The following ZNF385C variants were observed in gnomAD, a reference collection of about 807,000 sequenced individuals.
ZNF385C encodes the protein CTD-2132N18.2.
A neutral mutation model predicts 35.4 loss-of-function variants in ZNF385C; 28 were observed. The ratio of observed to expected loss-of-function variants is 0.79; its 90% confidence interval spans 0.59 to 1.08. The LOEUF is 1.08. ZNF385C is among the 50% of genes least tolerant of loss of function. The pLI is 0.00. For missense variants in ZNF385C, 605 were observed against 595.6 expected (o/e 1.02, Z -0.16); for synonymous variants, 248 against 248.2 (o/e 1.00, Z 0.01).
At chr17:42,033,578 C>G (rs1354296514) in intron 4 of ZNF385C, among the ~76,000 whole-genome samples, 1 of 152,138 alleles carries the variant, frequency 6.6e-6, no homozygotes, top group Non-Finnish European at 1.5e-5. Context: ...TGGTGAAACC[C>G]TGTATCTGCC....
Position 42,027,824 on chromosome 17 carries a change from C to T in ZNF385C, c.1165-96G>A, listed in dbSNP as rs375508779. The T allele has an allele frequency of 2.1e-4, 283 of 1,362,846 alleles. No individual in the cohort carries two copies. The African/African-American group carries it at 2.7e-3, about 13-fold the overall frequency. 84.4% of individuals were successfully genotyped at this position (1,362,846 alleles called of 1,614,324 possible). ...TCTTCCCCTTCCTCTATCCACAGCT[C>T]ATACATCCAAAGCACACAGACTGGG... On this transcript the variant is annotated intron_variant, in intron 7 of 8. Transcript: ENST00000692273.
intron 1 of ZNF385C, among the ~76,000 whole-genome samples, chr17:42,071,763 G>A (rs1196924984): frequency 1.4e-5 from 2 of 144,302 alleles, no homozygotes; most frequent in Non-Finnish European, 1.5e-5. Flanking sequence ...GGCACAGCCC[G>A]GGTTTATCTC....
intron 2 of ZNF385C, chr17:42,040,802 C>G: frequency 8.1e-7 from 1 of 1,232,290 alleles, no homozygotes; most frequent in Non-Finnish European, 1.0e-6. Flanking sequence ...TCATATTGAC[C>G]CAAGTAGGCC....
At chr17:42,047,029 ATTTTT>A (rs60694132) in intron 2 of ZNF385C, among the ~76,000 whole-genome samples, 16 of 116,564 alleles carry the variant, frequency 1.4e-4, no homozygotes, top group South Asian at 2.8e-4. Flanking sequence ...TGCCCGGCTA[ATTTTT>A]TTTTTTTTTT....
intron 1 of ZNF385C, among the ~76,000 whole-genome samples, chr17:42,086,729 A>G (rs1325937618): frequency 6.6e-6 from 1 of 151,672 alleles, no homozygotes; most frequent in Non-Finnish European, 1.5e-5. Context: ...AATCCAATAA[A>G]TATAAATACA....
chr17:42,039,924 CAAGGCGGCTAGGGCGGCG>C, intron 2 of ZNF385C: 2 of 1,231,286 alleles, frequency 1.6e-6, no homozygotes, highest in South Asian at 8.2e-5. Flanking sequence ...GCGCCAAAGC[CAAGGCGGCTAGGGCGGCG>C]AAGTCGGGGA....
chr17:42,041,006 G>GT, intron 2 of ZNF385C: 1 of 1,232,300 alleles, frequency 8.1e-7, no homozygotes, highest in Non-Finnish European at 1.0e-6. Context: ...TCGCCCTCCT[G>GT]TAGCTCCACA....
chr17:42,027,665 G>A lies in ZNF385C; in HGVS notation c.1228C>T (p.His410Tyr). 6.2e-7 allele frequency: 1 copy of A among 1,610,366 alleles called. No homozygotes were observed. The highest frequency in any genetic ancestry group is 8.5e-7 in the Non-Finnish European group (1 of 1,178,816). ...AGKTPKPSSQ[H>Y]SKLQKHAALA... ...GCTGCGTGCTTCTGCAGCTTGCTGT[G>A]CTGGCTGGAGGGCTTGGGGGTCTTC... Residue 410 changes from histidine (H) to tyrosine (Y), a missense_variant, in exon 8 of 9, where the codon CAC becomes TAC. Transcript: ENST00000692273.
At chr17:42,093,899 A>G (rs2053889501) in intron 1 of ZNF385C, among the ~76,000 whole-genome samples, 1 of 151,196 alleles carries the variant, frequency 6.6e-6, no homozygotes, top group Non-Finnish European at 1.5e-5. Flanking sequence ...CACTCTCCCT[A>G]GGACGTGATA....
intron 2 of ZNF385C, among the ~76,000 whole-genome samples, chr17:42,041,543 G>A (rs1350337591): frequency 6.6e-6 from 1 of 152,070 alleles, no homozygotes; most frequent in Non-Finnish European, 1.5e-5. Flanking sequence ...CTTTTGTTGT[G>A]GTAAAAGCAC....
Position 42,026,743 on chromosome 17 carries a change from AG to A in ZNF385C, c.*153del. 1.3e-6 allele frequency: 1 copy of A among 764,040 alleles called. No individual in the cohort carries two copies. The highest frequency in any genetic ancestry group is 2.7e-5 in the East Asian group (1 of 37,416). The allele number at this position is 764,040 out of a possible 1,614,324, so 47.3% of individuals were successfully genotyped here. A position where few individuals can be genotyped will look rare whatever the true frequency, so the allele number is the denominator to read the frequency against. ...AGGGTGGGGACAGTCCTTGGAAGGC[AG>A]CTGCCCTTAAAACTAGCCCAGCTCT... is the stretch of plus-strand genomic sequence containing the variant. On this transcript the variant is annotated 3_prime_UTR_variant, in exon 9 of 9. Transcript: ENST00000692273.
chr17:42,047,756 C>A (rs989822503), intron 2 of ZNF385C, among the ~76,000 whole-genome samples: 2 of 151,234 alleles, frequency 1.3e-5, no homozygotes, highest in Admixed American at 6.6e-5. Context: ...TGGGTTCAAG[C>A]GATTCTCCTG....
intron 2 of ZNF385C, among the ~76,000 whole-genome samples, chr17:42,045,206 C>A (rs577526225): frequency 6.6e-6 from 1 of 152,222 alleles, no homozygotes; most frequent in African/African-American, 2.4e-5. Context: ...CGTGAGCCAC[C>A]GCGCCCAGCC....
At chr17:42,072,425 C>T (rs1049628818) in intron 1 of ZNF385C, among the ~76,000 whole-genome samples, 5 of 152,214 alleles carry the variant, frequency 3.3e-5, no homozygotes, top group African/African-American at 4.8e-5. Flanking sequence ...AGGGTCTCCG[C>T]CGCTGCCCCC....
intron 1 of ZNF385C, among the ~76,000 whole-genome samples, chr17:42,086,023 G>C (rs1391875704): frequency 6.6e-6 from 1 of 152,282 alleles, no homozygotes; most frequent in South Asian, 2.1e-4. Context: ...AGCCATGATT[G>C]TGCCATTGCA....
At chr17:42,046,542 G>A (rs1293848032) in intron 2 of ZNF385C, among the ~76,000 whole-genome samples, 2 of 152,228 alleles carry the variant, frequency 1.3e-5, no homozygotes, top group Admixed American at 6.5e-5. Flanking sequence ...CAAGGCTATA[G>A]TGAGCTATGA....
chr17:42,028,129 C>T lies in ZNF385C; in HGVS notation c.1085G>A (p.Gly362Asp). The T allele has an allele frequency of 6.2e-7, 1 of 1,612,746 alleles. No individual in the cohort carries two copies. Among genetic ancestry groups the T allele is most frequent in the South Asian group, 1.1e-5 (1 of 91,046 alleles). ...HKAKRVTGGR[G>D]GRQGPSPAFH... is the part of the protein sequence containing the mutation. ...GGCAGGGCTGGGCCCCTGCCGGCCG[C>T]CCCGGCCCCCTGTGACTCTCTTGGC... Residue 362 changes from glycine to aspartate, a missense_variant, in exon 7 of 9, where the codon GGC (glycine) becomes GAC (aspartate). By Grantham distance (94) the Gly-to-Asp change is moderately conservative. Coordinates refer to ENST00000692273, the MANE Select transcript of ZNF385C (RefSeq NM_001392013.1).
rs2053412932 is a variant in ZNF385C, at chr17:42,058,414, A to G, written c.250+4393T>C. The stretch of plus-strand genomic sequence containing the variant: ...CCCGGACACTGAGTGCCTAGGACCA[A>G]TGCAGCGCATTCAAGGCTGCCCACA... On this transcript the variant is annotated intron_variant, in intron 2 of 8. Transcript: ENST00000692273. 2.6e-5 allele frequency among the ~76,000 whole-genome samples: 4 copies of G among 152,290 alleles called. No individual in the cohort carries two copies. In the South Asian group the frequency reaches 8.3e-4, roughly 32 times the overall value.
intron 4 of ZNF385C, among the ~76,000 whole-genome samples, chr17:42,033,966 G>C (rs10468488): frequency 0.043 from 6,549 of 152,126 alleles, 484 homozygotes; most frequent in African/African-American, 0.15. Flanking sequence ...CAGAACACAG[G>C]AGAGAGGCCT....
Sources: gnomAD v4.1 joint callset for allele counts (sites outside exome capture counted in the v4.1 genomes callset) on GRCh38, gnomAD v4.1.1 for gene constraint, MANE v1.5 for transcripts, NCBI Gene and HGNC (gene_info 2026-07-23, HGNC 2026-07-21) for gene names.